The following PATJ variants were observed in gnomAD, a reference collection of about 807,000 sequenced individuals.
The protein encoded by PATJ is PATJ crumbs cell polarity complex component, also known as inaD-like protein.
Under a neutral mutation model 224.9 loss-of-function variants are expected in PATJ, and 190 were observed. The observed-to-expected ratio is 0.84, with a 90% CI of 0.75 to 0.95. PATJ has a LOEUF of 0.95. Among genes scored for constraint, PATJ ranks in the 40% least tolerant of loss-of-function variants. The pLI, the probability that PATJ is intolerant of heterozygous loss-of-function variation, is 0.00. For synonymous variants in PATJ, 769 were observed against 820.3 expected, an observed-to-expected ratio of 0.94 and a Z score of 1.07; for missense variants, 2,121 against 2,270.3, an observed-to-expected ratio of 0.93 and a Z score of 1.34.
At chr1:61,832,376 T>C (rs1028967730) in intron 16 of PATJ, among the ~76,000 whole-genome samples, 1 of 152,184 alleles carries the variant, frequency 6.6e-6, no homozygotes, top group Non-Finnish European at 1.5e-5. Context: ...TTTTTTAAAC[T>C]AGCTATTTTC....
At chr1:62,125,009 T>C (rs1207396715) in intron 39 of PATJ, among the ~76,000 whole-genome samples, 2 of 151,966 alleles carry the variant, frequency 1.3e-5, no homozygotes, top group Non-Finnish European at 2.9e-5. Flanking sequence ...GGAGGATCAC[T>C]GAGCCCAGGA....
rs550876893 is a variant in PATJ, at chr1:62,089,818, G to A, written c.4377+5170G>A. Among the ~76,000 whole-genome samples the A allele has an allele frequency of 5.9e-5, 9 of 152,234 alleles. No individual in the cohort carries two copies. The South Asian group carries it at 1.9e-3, about 32-fold the overall frequency. On this transcript the variant is annotated intron_variant, in intron 33 of 43. Transcript: ENST00000642238. ...TGAGAGCATATCAAAGCGAAATGGT[G>A]GAAAACATTGAGACTCACTACAGAA... is the stretch of plus-strand genomic sequence containing the variant.
intron 33 of PATJ, among the ~76,000 whole-genome samples, chr1:62,093,987 T>C (rs939672544): frequency 3.3e-5 from 5 of 152,236 alleles, no homozygotes; most frequent in Admixed American, 6.5e-5. Context: ...AGTTCTTATG[T>C]TAGCCATGTA....
At chr1:62,106,397 G>C (rs932216761) in intron 33 of PATJ, among the ~76,000 whole-genome samples, 1 of 150,750 alleles carries the variant, frequency 6.6e-6, no homozygotes, top group African/African-American at 2.4e-5. Flanking sequence ...CCTGAGCCCG[G>C]GAGGTCGAAG....
At chr1:61,971,640 G>T (rs558358291) in intron 27 of PATJ, among the ~76,000 whole-genome samples, 1 of 151,854 alleles carries the variant, frequency 6.6e-6, no homozygotes, top group East Asian at 1.9e-4. Context: ...AGAAAAAACA[G>T]CATAGACTGT....
chr1:62,073,104 C>G (rs1191954559), intron 31 of PATJ: 1 of 985,082 alleles, frequency 1.0e-6, no homozygotes, highest in Non-Finnish European at 1.2e-6. Context: ...ATGTACATAA[C>G]TTGTACTTTA....
intron 33 of PATJ, chr1:62,100,264 C>A: frequency 1.5e-6 from 1 of 658,428 alleles, no homozygotes; most frequent in Middle Eastern, 4.0e-4. Context: ...GCTGCTATAA[C>A]AGAATATCTG....
At chr1:61,833,249 A>G (rs1659637565) in intron 16 of PATJ, 1 of 152,594 alleles carries the variant, frequency 6.6e-6, no homozygotes. Flanking sequence ...CTCTGTAATT[A>G]TGAAGCCAGG....
At chr1:61,812,431 AGAGTGTGTGTGTGT>A (rs1191566796) in intron 14 of PATJ, among the ~76,000 whole-genome samples, 1 of 109,040 alleles carries the variant, frequency 9.2e-6, no homozygotes, top group Non-Finnish European at 2.0e-5. Context: ...AGAGAGAGAG[AGAGTGTGTGTGTGT>A]GTGTGTGTGT....
chr1:62,016,806 C>T (rs913679601), intron 28 of PATJ, among the ~76,000 whole-genome samples: 6 of 152,098 alleles, frequency 3.9e-5, no homozygotes, highest in Non-Finnish European at 7.3e-5. Context: ...TTTACCTTCC[C>T]TAGAGTAACA....
chr1:62,155,648 G>A (rs780853829), intron 43 of PATJ, among the ~76,000 whole-genome samples: 3 of 146,698 alleles, frequency 2.0e-5, no homozygotes, highest in Admixed American at 7.0e-5. Flanking sequence ...CATGTATTTC[G>A]TTACTTACAG....
chr1:61,937,477 C>T (rs1200023692), intron 27 of PATJ, among the ~76,000 whole-genome samples: 7 of 152,130 alleles, frequency 4.6e-5, no homozygotes, highest in Admixed American at 6.6e-5. Context: ...AAGTGTATTA[C>T]AGATTTCAGT....
chr1:61,876,256 GA>G (rs199546028), intron 21 of PATJ, among the ~76,000 whole-genome samples: 15 of 149,068 alleles, frequency 1.0e-4, no homozygotes, highest in African/African-American at 3.4e-4. Flanking sequence ...ACAGAGCATG[GA>G]AAAAAAAAGA....
At chr1:61,859,380 A>G (rs1028969958) in intron 18 of PATJ, among the ~76,000 whole-genome samples, 1 of 152,146 alleles carries the variant, frequency 6.6e-6, no homozygotes, top group Non-Finnish European at 1.5e-5. Context: ...TGGGAGGCCA[A>G]TGAAGGGATT....
chr1:62,117,927 G>C (rs1664628216), intron 37 of PATJ, among the ~76,000 whole-genome samples: 1 of 152,038 alleles, frequency 6.6e-6, no homozygotes, highest in African/African-American at 2.4e-5. Flanking sequence ...CCTTAGTTTT[G>C]AGGTTAAAAG....
intron 10 of PATJ, among the ~76,000 whole-genome samples, chr1:61,795,977 T>C (rs1651009668): frequency 6.6e-6 from 1 of 152,208 alleles, no homozygotes; most frequent in African/African-American, 2.4e-5. Flanking sequence ...AAAATTGAGG[T>C]ATTTTACATA....
At chr1:61,996,470 T>G (rs1385497616) in intron 28 of PATJ, among the ~76,000 whole-genome samples, 1 of 152,188 alleles carries the variant, frequency 6.6e-6, no homozygotes, top group African/African-American at 2.4e-5. Flanking sequence ...CTAGCTTCTG[T>G]GTATGTATGG....
At chr1:61,910,918 C>T (rs1183370679) in intron 25 of PATJ, among the ~76,000 whole-genome samples, 1 of 152,066 alleles carries the variant, frequency 6.6e-6, no homozygotes, top group Non-Finnish European at 1.5e-5. Flanking sequence ...TAAAATGGTG[C>T]TGTCTTTGGT....
intron 16 of PATJ, among the ~76,000 whole-genome samples, chr1:61,829,699 GGTTTCTTAAA>G (rs1658966136): frequency 6.6e-6 from 1 of 152,070 alleles, no homozygotes; most frequent in Non-Finnish European, 1.5e-5. Context: ...AATTGTGTGT[GGTTTCTTAAA>G]GTCTTGGCTC....
Sources: allele counts gnomAD v4.1 joint callset (sites outside exome capture counted in the v4.1 genomes callset), GRCh38; gene constraint gnomAD v4.1.1; transcripts MANE v1.5; gene names NCBI Gene and HGNC (gene_info 2026-07-23, HGNC 2026-07-21).